EYS: variants seen among roughly 807,000 people sequenced by gnomAD.
EYS encodes protein eyes shut homolog.
EYS carries 250 observed loss-of-function variants against 282.1 expected under a neutral mutation model. The ratio of observed to expected loss-of-function variants is 0.89; its 90% CI spans 0.80 to 0.98. EYS has a LOEUF of 0.98. Among genes scored for constraint, EYS ranks in the 50% least tolerant of loss-of-function variants. The pLI is 0.00. For missense variants in EYS, 4,016 were observed against 3,709.0 expected (o/e 1.08, Z -2.15); for synonymous variants, 1,355 against 1,282.9 (o/e 1.06, Z -1.20).
chr6:65,041,085 A>T (rs754450275), intron 13 of EYS, among the ~76,000 whole-genome samples: 11 of 151,742 alleles, frequency 7.2e-5, no homozygotes, highest in Non-Finnish European at 1.3e-4. Context: ...CTTGATTCAG[A>T]GACTTACAAA....
chr6:65,528,588 A>G (rs988937290), intron 2 of EYS, among the ~76,000 whole-genome samples: 7 of 152,174 alleles, frequency 4.6e-5, no homozygotes, highest in Admixed American at 1.3e-4. Flanking sequence ...CTGCCATGTC[A>G]TGGCCCAGCA....
intron 1 of EYS, among the ~76,000 whole-genome samples, chr6:65,694,162 G>T (rs2149846638): frequency 6.6e-6 from 1 of 150,378 alleles, no homozygotes; most frequent in South Asian, 2.1e-4. Context: ...GGAGGCTGAG[G>T]CAGGAGAATT....
At chr6:65,124,479 T>TA (rs1382177193) in intron 12 of EYS, among the ~76,000 whole-genome samples, 1 of 152,116 alleles carries the variant, frequency 6.6e-6, no homozygotes, top group Non-Finnish European at 1.5e-5. Flanking sequence ...TTTGTCAGAA[T>TA]AAAAAATGGA....
At chr6:63,977,989 T>A (rs1028563182) in intron 35 of EYS, among the ~76,000 whole-genome samples, 6 of 151,924 alleles carry the variant, frequency 3.9e-5, no homozygotes, top group African/African-American at 1.2e-4. Context: ...TTTTAATTGG[T>A]GTAGTCTGAA....
At chr6:64,619,767 T>C (rs1281919084) in intron 23 of EYS, among the ~76,000 whole-genome samples, 1 of 151,986 alleles carries the variant, frequency 6.6e-6, no homozygotes, top group African/African-American at 2.4e-5. Flanking sequence ...CTCAACCTCC[T>C]GGGTTCAAGC....
intron 13 of EYS, among the ~76,000 whole-genome samples, chr6:65,016,166 C>T (rs1772042112): frequency 6.6e-6 from 1 of 150,686 alleles, no homozygotes; most frequent in Non-Finnish European, 1.5e-5. Flanking sequence ...GAGCTCAAGA[C>T]CCGCTTGGAT....
At chr6:63,763,978 C>T (rs1329283437) in intron 40 of EYS, among the ~76,000 whole-genome samples, 1 of 149,848 alleles carries the variant, frequency 6.7e-6, no homozygotes, top group African/African-American at 2.4e-5. Context: ...TCACTCCCTG[C>T]CTGCCTTTCT....
At chr6:65,473,496 T>A (rs934734977) in intron 5 of EYS, among the ~76,000 whole-genome samples, 9 of 151,962 alleles carry the variant, frequency 5.9e-5, no homozygotes, top group African/African-American at 1.4e-4. Context: ...TTCCACCAAC[T>A]GTGGTCAGTA....
intron 2 of EYS, among the ~76,000 whole-genome samples, chr6:65,519,889 C>A (rs1767299852): frequency 1.6e-5 from 2 of 122,692 alleles, no homozygotes; most frequent in Admixed American, 1.6e-4. Context: ...GCTAATTTTT[C>A]TATTTTTTTT....
At chr6:65,613,792 G>C (rs1165766305) in intron 2 of EYS, among the ~76,000 whole-genome samples, 1 of 151,506 alleles carries the variant, frequency 6.6e-6, no homozygotes, top group Non-Finnish European at 1.5e-5. Flanking sequence ...ACACTACCTC[G>C]GTCTTCACAT....
At chr6:65,638,219 C>T (rs951402267) in intron 2 of EYS, among the ~76,000 whole-genome samples, 2 of 152,148 alleles carry the variant, frequency 1.3e-5, no homozygotes, top group African/African-American at 4.8e-5. Context: ...GATGACCTGT[C>T]TGCAGAAAGG....
At chr6:65,021,481 C>G (rs1455435504) in intron 13 of EYS, among the ~76,000 whole-genome samples, 1 of 152,228 alleles carries the variant, frequency 6.6e-6, no homozygotes, top group Admixed American at 6.5e-5. Flanking sequence ...CAAAGCCAAT[C>G]AACAAGGCTC....
chr6:65,378,084 G>C (rs1380287353), intron 8 of EYS, among the ~76,000 whole-genome samples: 5 of 152,138 alleles, frequency 3.3e-5, no homozygotes, highest in South Asian at 2.1e-4. Context: ...ACTATCATCA[G>C]AGTGAACAGG....
At chr6:65,651,374 T>G (rs2149819222) in intron 1 of EYS, among the ~76,000 whole-genome samples, 1 of 152,180 alleles carries the variant, frequency 6.6e-6, no homozygotes, top group African/African-American at 2.4e-5. Flanking sequence ...GATTTCAATT[T>G]TAGAAAGAAA....
At chr6:65,230,328 G>A (rs950321355) in intron 12 of EYS, among the ~76,000 whole-genome samples, 2 of 150,918 alleles carry the variant, frequency 1.3e-5, no homozygotes, top group South Asian at 2.1e-4. Context: ...AAAATAATTG[G>A]CGAATAGCAG....
At chr6:64,661,406 A>G (rs1362463693) in intron 22 of EYS, among the ~76,000 whole-genome samples, 2 of 152,134 alleles carry the variant, frequency 1.3e-5, no homozygotes, top group Non-Finnish European at 2.9e-5. Context: ...TTAAACTAAA[A>G]AGCTTCTGCA....
chr6:64,411,262 A>T (rs1773880979), intron 28 of EYS, among the ~76,000 whole-genome samples: 1 of 152,160 alleles, frequency 6.6e-6, no homozygotes, highest in South Asian at 2.1e-4. Flanking sequence ...ACAATACAGC[A>T]TCATATAACA....
At chr6:65,523,893 CAG>C (rs1000590407) in intron 2 of EYS, among the ~76,000 whole-genome samples, 13 of 152,116 alleles carry the variant, frequency 8.5e-5, no homozygotes, top group African/African-American at 2.9e-4. Context: ...TTGTTTGAGA[CAG>C]AGTCTCACTC....
intron 22 of EYS, among the ~76,000 whole-genome samples, chr6:64,749,156 G>A (rs927006692): frequency 6.6e-6 from 1 of 152,124 alleles, no homozygotes; most frequent in Non-Finnish European, 1.5e-5. Context: ...AAAAAATATG[G>A]TATACAAGAG....
Sources: gnomAD v4.1 joint callset for allele counts (sites outside exome capture counted in the v4.1 genomes callset) on GRCh38, gnomAD v4.1.1 for gene constraint, MANE v1.5 for transcripts, NCBI Gene and HGNC (gene_info 2026-07-23, HGNC 2026-07-21) for gene names.